The following KCNH7 variants were observed in gnomAD, a reference collection of about 807,000 sequenced individuals.
KCNH7 encodes potassium voltage-gated channel subfamily H member 7.
Under a neutral mutation model 120.8 loss-of-function variants are expected in KCNH7, and 49 were observed. The observed-to-expected ratio is 0.41, with a 90% CI of 0.32 to 0.51. The LOEUF is 0.51. Ranked by LOEUF, KCNH7 falls within the 20% of genes least tolerant of loss-of-function variation. The pLI, the probability that KCNH7 is intolerant of heterozygous loss-of-function variation, is 0.38. For synonymous variants in KCNH7, 547 were observed against 516.1 expected, an observed-to-expected ratio of 1.06 and a Z score of -0.81; for missense variants, 1,097 against 1,446.6, an observed-to-expected ratio of 0.76 and a Z score of 3.92.
At chr2:162,436,002 A>C (rs1553475739) in intron 7 of KCNH7, among the ~76,000 whole-genome samples, 1 of 152,168 alleles carries the variant, frequency 6.6e-6, no homozygotes, top group Non-Finnish European at 1.5e-5. Context: ...ACAGCTATTT[A>C]ACAGACAAAG....
intron 7 of KCNH7, among the ~76,000 whole-genome samples, chr2:162,442,737 G>C (rs1688464336): frequency 6.6e-6 from 1 of 152,020 alleles, no homozygotes; most frequent in Non-Finnish European, 1.5e-5. Flanking sequence ...TCTGCCTGTA[G>C]TCCCAGCTCC....
chr2:162,821,824 T>C (rs1364690634), intron 2 of KCNH7, among the ~76,000 whole-genome samples: 1 of 152,110 alleles, frequency 6.6e-6, no homozygotes, highest in Non-Finnish European at 1.5e-5. Context: ...ATCTTGGTTC[T>C]CACTAAATCC....
chr2:162,637,822 A>G lies in KCNH7; in HGVS notation c.308-100742T>C, dbSNP rs145712027. 3.3e-5 allele frequency among the ~76,000 whole-genome samples: 5 copies of G among 152,226 alleles called. No homozygotes were observed. The East Asian group carries it at 9.7e-4, about 29-fold the overall frequency. On this transcript the variant is annotated intron_variant, in intron 2 of 15. Transcript: ENST00000332142. ...TTTATTAGCTCCTTCAGATCCAGAC[A>G]TTAACATGCTGGTTTACATGTAAGT...
intron 2 of KCNH7, among the ~76,000 whole-genome samples, chr2:162,814,323 A>G (rs558328002): frequency 2.8e-4 from 42 of 152,302 alleles, no homozygotes; most frequent in Admixed American, 4.6e-4. Flanking sequence ...ATTCTGCAGC[A>G]TTTCATCTTT....
chr2:162,827,430 CTG>C (rs1685326102), intron 2 of KCNH7, among the ~76,000 whole-genome samples: 1 of 152,050 alleles, frequency 6.6e-6, no homozygotes, highest in South Asian at 2.1e-4. Context: ...TAGTCCAAAA[CTG>C]GGACATTTTA....
intron 14 of KCNH7, among the ~76,000 whole-genome samples, chr2:162,376,646 G>A: frequency 6.6e-6 from 1 of 152,100 alleles, no homozygotes; most frequent in Non-Finnish European, 1.5e-5. Context: ...ACAGGTGTGA[G>A]CCACCGCGCC....
chr2:162,421,818 T>A (rs1185917876), intron 9 of KCNH7, among the ~76,000 whole-genome samples: 1 of 152,068 alleles, frequency 6.6e-6, no homozygotes, highest in African/African-American at 2.4e-5. Context: ...TAGAGTTACA[T>A]GGAGGGGGGT....
intron 2 of KCNH7, among the ~76,000 whole-genome samples, chr2:162,710,161 C>T (rs1478939772): frequency 6.6e-6 from 1 of 152,030 alleles, no homozygotes; most frequent in Non-Finnish European, 1.5e-5. Flanking sequence ...ATCTGACACC[C>T]AAAATTATCT....
At chr2:162,445,498 C>T (rs939707920) in intron 7 of KCNH7, among the ~76,000 whole-genome samples, 3 of 152,106 alleles carry the variant, frequency 2.0e-5, no homozygotes, top group African/African-American at 4.8e-5. Context: ...ATACACTTCT[C>T]GTATTTTCTT....
chr2:162,827,176 A>G (rs1685315278), intron 2 of KCNH7, among the ~76,000 whole-genome samples: 1 of 152,142 alleles, frequency 6.6e-6, no homozygotes, highest in Admixed American at 6.6e-5. Context: ...CTCTCCACAC[A>G]GTATATTTAT....
At chr2:162,377,618 G>C (rs1286712072) in intron 14 of KCNH7, among the ~76,000 whole-genome samples, 1 of 152,170 alleles carries the variant, frequency 6.6e-6, no homozygotes, top group African/African-American at 2.4e-5. Flanking sequence ...TTAGGTTACA[G>C]TGGCTTCTGT....
At chr2:162,514,204 T>C (rs1020314058) in intron 4 of KCNH7, among the ~76,000 whole-genome samples, 4 of 151,786 alleles carry the variant, frequency 2.6e-5, no homozygotes, top group Non-Finnish European at 4.4e-5. Flanking sequence ...AGACATTGCA[T>C]TGGACAAAGA....
intron 9 of KCNH7, among the ~76,000 whole-genome samples, chr2:162,410,241 T>C (rs1033603601): frequency 1.3e-5 from 2 of 151,792 alleles, no homozygotes; most frequent in African/African-American, 4.8e-5. Flanking sequence ...CATAGACTAA[T>C]GGAATAGCAT....
intron 4 of KCNH7, among the ~76,000 whole-genome samples, chr2:162,516,351 G>C (rs1691295013): frequency 6.6e-6 from 1 of 151,718 alleles, no homozygotes; most frequent in South Asian, 2.1e-4. Flanking sequence ...GGGGGAAATG[G>C]GTCCCTGCTG....
chr2:162,697,580 G>T (rs530381025), intron 2 of KCNH7, among the ~76,000 whole-genome samples: 1 of 151,914 alleles, frequency 6.6e-6, no homozygotes. Flanking sequence ...AGGGAAGGAA[G>T]GGATTGAGAC....
intron 5 of KCNH7, among the ~76,000 whole-genome samples, chr2:162,507,586 C>A (rs1415410278): frequency 6.6e-6 from 1 of 151,492 alleles, no homozygotes; most frequent in Non-Finnish European, 1.5e-5. Flanking sequence ...AGCATGTTTG[C>A]AGGATCTTTT....
chr2:162,598,034 G>T (rs1694435338), intron 2 of KCNH7, among the ~76,000 whole-genome samples: 2 of 151,966 alleles, frequency 1.3e-5, no homozygotes, highest in South Asian at 4.1e-4. Context: ...TTGTCATTTT[G>T]CTTCCCCTTT....
intron 9 of KCNH7, among the ~76,000 whole-genome samples, chr2:162,415,567 T>A (rs1026256103): frequency 6.6e-6 from 1 of 152,308 alleles, no homozygotes; most frequent in East Asian, 1.9e-4. Flanking sequence ...TGAAAAAAGT[T>A]AGGTCTTCCT....
At chr2:162,566,406 T>C (rs760391729) in intron 2 of KCNH7, among the ~76,000 whole-genome samples, 7 of 152,088 alleles carry the variant, frequency 4.6e-5, no homozygotes, top group East Asian at 3.9e-4. Context: ...CATTTATTTA[T>C]AACAATGTTA....
Sources: allele counts gnomAD v4.1 joint callset (sites outside exome capture counted in the v4.1 genomes callset), GRCh38; gene constraint gnomAD v4.1.1; transcripts MANE v1.5; gene names NCBI Gene and HGNC (gene_info 2026-07-23, HGNC 2026-07-21).